Variants in PTPRT observed in about 807,000 individuals in gnomAD.
PTPRT encodes the protein receptor-type tyrosine-protein phosphatase T.
Under a neutral mutation model 176.8 loss-of-function variants are expected in PTPRT, and 56 were observed. The ratio of observed to expected loss-of-function variants is 0.32; its 90% CI spans 0.26 to 0.40. The LOEUF is 0.40. PTPRT is among the 10% of genes least tolerant of loss of function. The pLI is 1.00. For missense variants in PTPRT, 1,540 were observed against 1,908.2 expected (o/e 0.81, Z 3.60); for synonymous variants, 783 against 739.0 (o/e 1.06, Z -0.96).
At chr20:42,197,198 T>C (rs1991256312) in intron 16 of PTPRT, among the ~76,000 whole-genome samples, 1 of 151,332 alleles carries the variant, frequency 6.6e-6, no homozygotes, top group African/African-American at 2.4e-5. Flanking sequence ...GCAAACACGG[T>C]GAAACCCCGT....
Position 42,448,318 on chromosome 20 carries a change from C to G in PTPRT, c.1462G>C (p.Val488Leu), listed in dbSNP as rs1194371212. 6.2e-6 allele frequency: 10 copies of G among 1,611,556 alleles called. No homozygotes were observed. Among genetic ancestry groups the G allele is most frequent in the Non-Finnish European group, 8.5e-6 (10 of 1,177,908 alleles). ...VQTEEDVPGA[V>L]PLESIQGGPF... Reference sequence around the variant, plus strand: ...CCCCCTTGGATGGATTCTAGAGGAACAGCTCCTGGAACTACAGAATGGAAA... The same window carrying G: ...CCCCCTTGGATGGATTCTAGAGGAAGAGCTCCTGGAACTACAGAATGGAAA... The change falls in exon 9 of 31, where the codon GTT (valine) becomes CTT (leucine). Residue 488 changes from valine (V) to leucine (L), a missense_variant. Transcript: ENST00000373187.
At chr20:43,045,724 A>G (rs111427880) in intron 1 of PTPRT, among the ~76,000 whole-genome samples, 2,580 of 151,264 alleles carry the variant, frequency 0.017, 81 homozygotes, top group African/African-American at 0.059. Context: ...CAGCCCCCCA[A>G]TGTGCCAGAA....
chr20:42,790,753 C>T (rs759268844), intron 3 of PTPRT, among the ~76,000 whole-genome samples: 46 of 152,124 alleles, frequency 3.0e-4, no homozygotes, highest in African/African-American at 5.8e-4. Context: ...GATGTCATCT[C>T]CTCTTACAAA....
intron 1 of PTPRT, among the ~76,000 whole-genome samples, chr20:43,005,034 G>C (rs893613867): frequency 6.6e-6 from 1 of 152,100 alleles, no homozygotes; most frequent in Admixed American, 6.6e-5. Flanking sequence ...GAGGCTGACC[G>C]TCTCAGAACC....
intron 16 of PTPRT, among the ~76,000 whole-genome samples, chr20:42,188,203 A>G (rs1990856868): frequency 6.6e-6 from 1 of 152,230 alleles, no homozygotes; most frequent in Non-Finnish European, 1.5e-5. Context: ...TAGAGTGAGT[A>G]TGAGCAGAAA....
intron 16 of PTPRT, among the ~76,000 whole-genome samples, chr20:42,171,185 GA>G (rs1272227699): frequency 6.6e-6 from 1 of 152,164 alleles, no homozygotes; most frequent in Admixed American, 6.5e-5. Context: ...TTCTTTTCCA[GA>G]GGGTTGGGTA....
intron 2 of PTPRT, among the ~76,000 whole-genome samples, chr20:42,796,009 G>A (rs2077448731): frequency 6.6e-6 from 1 of 152,178 alleles, no homozygotes; most frequent in African/African-American, 2.4e-5. Context: ...TCTAAGCATT[G>A]TTTAGCACCC....
chr20:43,182,178 G>C (rs1288626684), intron 1 of PTPRT, among the ~76,000 whole-genome samples: 1 of 152,166 alleles, frequency 6.6e-6, no homozygotes, highest in African/African-American at 2.4e-5. Flanking sequence ...AGAGAAATGG[G>C]TTTGTGGTCT....
chr20:42,516,834 G>A (rs969478578), intron 7 of PTPRT, among the ~76,000 whole-genome samples: 2 of 152,184 alleles, frequency 1.3e-5, no homozygotes, highest in African/African-American at 2.4e-5. Flanking sequence ...ATTCTCATAT[G>A]AATTCTAAGA....
chr20:42,665,033 G>A (rs1360636816), intron 7 of PTPRT, among the ~76,000 whole-genome samples: 2 of 152,010 alleles, frequency 1.3e-5, no homozygotes, highest in Admixed American at 1.3e-4. Context: ...CAGGACATAG[G>A]CATGGGCAAG....
chr20:43,096,962 A>G (rs763432771), intron 1 of PTPRT, among the ~76,000 whole-genome samples: 48 of 152,208 alleles, frequency 3.2e-4, no homozygotes, highest in Non-Finnish European at 6.2e-4. Context: ...GTAAGTTTGG[A>G]GGAGATTAAA....
At chr20:43,170,916 T>C (rs1212115059) in intron 1 of PTPRT, among the ~76,000 whole-genome samples, 1 of 152,240 alleles carries the variant, frequency 6.6e-6, no homozygotes, top group Non-Finnish European at 1.5e-5. Context: ...TTGTGAATCT[T>C]TCGCAGCTTC....
rs1399840065 is a variant in PTPRT at position 42,520,821 on chromosome 20, A to ATG, written c.1154-48261_1154-48260dup. Reference sequence around the variant, plus strand: ...GAAAGACATATATATATATATATATATGTATGTATGGGTGTGTGTGTAGAT... The same window carrying ATG: ...GAAAGACATATATATATATATATATATGTGTATGTATGGGTGTGTGTGTAGAT... On this transcript the variant is annotated intron_variant, in intron 7 of 30. Coordinates refer to ENST00000373187, the MANE Select transcript of PTPRT (RefSeq NM_007050.6). 2.8e-5 allele frequency among the ~76,000 whole-genome samples: 4 copies of ATG among 142,014 alleles called. No homozygotes were observed. In the South Asian group the frequency reaches 7.0e-4, roughly 25 times the overall value. 93.2% of individuals were successfully genotyped at this position (142,014 alleles called of 152,430 possible).
At chr20:42,871,197 C>T (rs2078840029) in intron 2 of PTPRT, among the ~76,000 whole-genome samples, 1 of 151,780 alleles carries the variant, frequency 6.6e-6, no homozygotes, top group South Asian at 2.1e-4. Context: ...GGTGATCTGC[C>T]CACCTCGGCC....
intron 9 of PTPRT, among the ~76,000 whole-genome samples, chr20:42,444,860 TA>T (rs751999812): frequency 6.6e-6 from 1 of 152,232 alleles, no homozygotes; most frequent in Non-Finnish European, 1.5e-5. Context: ...TGCTTTGTTA[TA>T]AATGTTTTTA....
intron 5 of PTPRT, among the ~76,000 whole-genome samples, chr20:42,758,972 C>G (rs2076876912): frequency 6.6e-6 from 1 of 152,172 alleles, no homozygotes; most frequent in African/African-American, 2.4e-5. Flanking sequence ...CTATGAGAAC[C>G]TAGGAGACAC....
intron 7 of PTPRT, among the ~76,000 whole-genome samples, chr20:42,478,575 T>C (rs1363423850): frequency 1.3e-5 from 2 of 152,124 alleles, no homozygotes; most frequent in Non-Finnish European, 1.5e-5. Flanking sequence ...GGATTATAAA[T>C]GCCTTCACAC....
At chr20:42,117,973 C>T (rs1987377259) in intron 21 of PTPRT, among the ~76,000 whole-genome samples, 2 of 152,080 alleles carry the variant, frequency 1.3e-5, no homozygotes, top group Admixed American at 6.5e-5. Flanking sequence ...TTTGGAAGGG[C>T]AGAGACATGG....
chr20:42,050,782 C>T, the PTPRT span, among the ~76,000 whole-genome samples: 1 of 152,170 alleles, frequency 6.6e-6, no homozygotes, highest in East Asian at 1.9e-4. Context: ...GAGGCTGACT[C>T]GGTAGCCTAG....
Sources: allele counts gnomAD v4.1 joint callset (sites outside exome capture counted in the v4.1 genomes callset), GRCh38; gene constraint gnomAD v4.1.1; transcripts MANE v1.5; gene names NCBI Gene and HGNC (gene_info 2026-07-23, HGNC 2026-07-21).